Variants in CNTN5 observed in about 807,000 individuals in gnomAD.
CNTN5 encodes the protein contactin 5, also known as contactin-5.
A neutral mutation model predicts 129.1 loss-of-function variants in CNTN5; 77 were observed. The observed-to-expected ratio is 0.60, with a 90% CI of 0.50 to 0.72. CNTN5 has a LOEUF of 0.72. CNTN5 is among the 30% of genes least tolerant of loss of function. The pLI, the probability that CNTN5 is intolerant of heterozygous loss-of-function variation, is 0.00. For missense variants in CNTN5, 1,478 were observed against 1,328.8 expected (o/e 1.11, Z -1.75); for synonymous variants, 509 against 465.6 (o/e 1.09, Z -1.20).
chr11:99,427,806 A>G (rs1943196714), intron 2 of CNTN5, among the ~76,000 whole-genome samples: 1 of 147,814 alleles, frequency 6.8e-6, no homozygotes, highest in African/African-American at 2.5e-5. Context: ...AAAATTTCTT[A>G]TAATTCTATT....
Position 99,597,590 on chromosome 11 carries a change from A to G in CNTN5, c.55+41321A>G, listed in dbSNP as rs187966913. Among the ~76,000 whole-genome samples, 825 of 152,200 alleles carry G rather than the reference A, an allele frequency of 5.4e-3. 8 individuals are homozygous for G. Among genetic ancestry groups the G allele is most frequent in the African/African-American group, 0.019 (781 of 41,524 alleles). On this transcript the variant is annotated intron_variant, in intron 3 of 24. Coordinates refer to ENST00000524871, the MANE Select transcript of CNTN5 (RefSeq NM_014361.4). ...GCTCTGACTGTCAGGGTTTTTACCC[A>G]GCCTGTTTTCCGGTACTGGTTATAT...
intron 3 of CNTN5, among the ~76,000 whole-genome samples, chr11:99,660,084 A>G (rs138079309): frequency 5.4e-4 from 82 of 152,244 alleles, no homozygotes; most frequent in African/African-American, 1.9e-3. Flanking sequence ...TTTATATAGA[A>G]AATTTCACCC....
At chr11:100,156,230 G>A (rs551215874) in intron 13 of CNTN5, among the ~76,000 whole-genome samples, 40 of 152,046 alleles carry the variant, frequency 2.6e-4, no homozygotes, top group South Asian at 8.3e-4. Context: ...GAATTTTGTC[G>A]AAGGCCTTTT....
chr11:100,036,742 AGTTCACTCATGATTTGGCTCTCT>A (rs1481682176), intron 9 of CNTN5, among the ~76,000 whole-genome samples: 2 of 149,062 alleles, frequency 1.3e-5, no homozygotes, highest in African/African-American at 5.0e-5. Context: ...TGTGAATGGG[AGTTCACTCATGATTTGGCTCTCT>A]GTTTGTCTGT....
intron 3 of CNTN5, among the ~76,000 whole-genome samples, chr11:99,700,304 A>C (rs1954462871): frequency 6.6e-6 from 1 of 151,448 alleles, no homozygotes; most frequent in South Asian, 2.1e-4. Context: ...TTCTATGATC[A>C]CACAACTTGA....
intron 17 of CNTN5, among the ~76,000 whole-genome samples, chr11:100,270,188 T>C (rs1210479581): frequency 6.6e-6 from 1 of 152,226 alleles, no homozygotes; most frequent in East Asian, 1.9e-4. Flanking sequence ...TTCACAGAGC[T>C]ACTTATTTGG....
At chr11:99,903,657 T>C (rs1180730075) in intron 6 of CNTN5, among the ~76,000 whole-genome samples, 1 of 152,138 alleles carries the variant, frequency 6.6e-6, no homozygotes, top group Non-Finnish European at 1.5e-5. Context: ...TTCTAGTAGA[T>C]AATAACTGCC....
At chr11:99,405,507 C>T (rs946490344) in intron 2 of CNTN5, among the ~76,000 whole-genome samples, 1 of 151,864 alleles carries the variant, frequency 6.6e-6, no homozygotes, top group African/African-American at 2.4e-5. Flanking sequence ...ATATATTCTT[C>T]AGTATGCCAA....
At chr11:99,876,313 A>G (rs1357521600) in intron 6 of CNTN5, among the ~76,000 whole-genome samples, 1 of 152,070 alleles carries the variant, frequency 6.6e-6, no homozygotes, top group Non-Finnish European at 1.5e-5. Flanking sequence ...GGCTTTTTGC[A>G]CTGTCCGCTA....
chr11:99,957,877 A>G (rs571290971), intron 8 of CNTN5, among the ~76,000 whole-genome samples: 225 of 151,448 alleles, frequency 1.5e-3, no homozygotes, highest in African/African-American at 5.1e-3. Flanking sequence ...GTGTGTGTGT[A>G]TATATGTTTA....
intron 3 of CNTN5, among the ~76,000 whole-genome samples, chr11:99,737,169 GCACA>G (rs890225493): frequency 2.0e-5 from 3 of 150,606 alleles, no homozygotes; most frequent in Non-Finnish European, 3.0e-5. Flanking sequence ...ACACGCACAC[GCACA>G]CACAGTCTTT....
intron 2 of CNTN5, among the ~76,000 whole-genome samples, chr11:99,467,502 C>T (rs1247922279): frequency 6.6e-6 from 1 of 152,084 alleles, no homozygotes; most frequent in Non-Finnish European, 1.5e-5. Context: ...AATGTCTGAT[C>T]CTTGTATAAA....
At chr11:99,243,891 G>A (rs970126799) in intron 1 of CNTN5, among the ~76,000 whole-genome samples, 19 of 151,624 alleles carry the variant, frequency 1.3e-4, no homozygotes, top group East Asian at 5.8e-4. Context: ...TTTGAAATTC[G>A]GCAATGTGAT....
At chr11:99,707,128 A>C (rs2134920359) in intron 3 of CNTN5, among the ~76,000 whole-genome samples, 1 of 151,628 alleles carries the variant, frequency 6.6e-6, no homozygotes, top group African/African-American at 2.4e-5. Context: ...CTGCTCTGTC[A>C]GAAGATGAAA....
intron 13 of CNTN5, among the ~76,000 whole-genome samples, chr11:100,144,795 A>G (rs1946798268): frequency 6.7e-6 from 1 of 149,624 alleles, no homozygotes; most frequent in Non-Finnish European, 1.5e-5. Context: ...TTATTCTTGT[A>G]TTTCATAATA....
intron 3 of CNTN5, among the ~76,000 whole-genome samples, chr11:99,675,782 T>C (rs72983658): frequency 0.033 from 5,014 of 152,228 alleles, 122 homozygotes; most frequent in Middle Eastern, 0.092. Context: ...AGAAGGCACA[T>C]AGCCCCTGCA....
intron 13 of CNTN5, among the ~76,000 whole-genome samples, chr11:100,122,512 T>G (rs1206244473): frequency 6.6e-6 from 1 of 152,036 alleles, no homozygotes; most frequent in Non-Finnish European, 1.5e-5. Flanking sequence ...TTTTATTCCA[T>G]TCAAGATGAC....
chr11:100,000,165 A>T (rs1565774659), intron 8 of CNTN5, among the ~76,000 whole-genome samples: 2 of 151,866 alleles, frequency 1.3e-5, no homozygotes, highest in Non-Finnish European at 2.9e-5. Context: ...AATAATAATA[A>T]AAATAAATAA....
chr11:99,588,167 C>G (rs1161524653), intron 3 of CNTN5, among the ~76,000 whole-genome samples: 1 of 151,998 alleles, frequency 6.6e-6, no homozygotes, highest in East Asian at 1.9e-4. Context: ...CACGGTGAAA[C>G]CCCGTCTCTA....
Sources: gnomAD v4.1 joint callset for allele counts (sites outside exome capture counted in the v4.1 genomes callset) on GRCh38, gnomAD v4.1.1 for gene constraint, MANE v1.5 for transcripts, NCBI Gene and HGNC (gene_info 2026-07-23, HGNC 2026-07-21) for gene names.